CBFA2T3: variants seen among roughly 807,000 people sequenced by gnomAD.
CBFA2T3 encodes the protein transcriptional corepressor CBFA2T3.
CBFA2T3 carries 31 observed loss-of-function variants against 58.6 expected under a neutral mutation model. That is an observed-to-expected ratio of 0.53 (90% CI 0.40 to 0.71). The LOEUF (loss-of-function observed/expected upper bound fraction) is 0.71, where lower values mean the gene tolerates loss of function less well. Among genes scored for constraint, CBFA2T3 ranks in the 30% least tolerant of loss-of-function variants. CBFA2T3 has a pLI of 0.00. For missense variants in CBFA2T3, 1,076 were observed against 963.1 expected (o/e 1.12, Z -1.55); for synonymous variants, 531 against 421.9 (o/e 1.26, Z -3.17).
At position 88,874,927 on chromosome 16, in the gene CBFA2T3, A is replaced by T. The variant is rs1968773886; in HGVS notation, c.*2049T>A. 4.3e-6 allele frequency: 1 copy of T among 233,024 alleles called. No individual in the cohort carries two copies. The highest frequency in any genetic ancestry group is 8.5e-6 in the Non-Finnish European group (1 of 117,606). 14.4% of individuals were successfully genotyped at this position (233,024 alleles called of 1,614,324 possible). On this transcript the variant is annotated 3_prime_UTR_variant, in exon 12 of 12. Coordinates refer to ENST00000268679, the MANE Select transcript of CBFA2T3 (RefSeq NM_005187.6). ...TCATGAATATCATTTGGACCTCTGC[A>T]AAGACTATATACATTCACATTAACG...
At chr16:88,972,025 G>A (rs924769088) in intron 1 of CBFA2T3, among the ~76,000 whole-genome samples, 3 of 152,248 alleles carry the variant, frequency 2.0e-5, no homozygotes, top group Non-Finnish European at 4.4e-5. Context: ...CCTCCAGGAA[G>A]CTGGCCCGGA....
Position 88,901,676 on chromosome 16 carries a change from A to G in CBFA2T3, c.152-20T>C. On this transcript the variant is annotated intron_variant, in intron 1 of 11. Transcript: ENST00000268679. ...CTGGGGCTGCGACCAACGGAGAAAG[A>G]AAGAGTCGGTGAAGCAGGCTAAGTG... The G allele has an allele frequency of 6.6e-7, 1 of 1,518,898 alleles. No homozygotes were observed. Among genetic ancestry groups the G allele is most frequent in the Non-Finnish European group, 8.7e-7 (1 of 1,147,660 alleles). The allele number at this position is 1,518,898 out of a possible 1,614,324, so 94.1% of individuals were successfully genotyped here.
At chr16:88,889,127 G>A (rs910330435) in intron 5 of CBFA2T3, among the ~76,000 whole-genome samples, 3 of 151,742 alleles carry the variant, frequency 2.0e-5, no homozygotes, top group South Asian at 2.1e-4. Flanking sequence ...GACTGGGAGG[G>A]GTGGAGTCCG....
intron 1 of CBFA2T3, among the ~76,000 whole-genome samples, chr16:88,918,500 G>C (rs576589758): frequency 3.9e-5 from 6 of 152,220 alleles, no homozygotes; most frequent in African/African-American, 1.4e-4. Flanking sequence ...TGGGGCTCCC[G>C]CCCCTCCAGA....
intron 1 of CBFA2T3, among the ~76,000 whole-genome samples, chr16:88,944,808 G>A (rs1017447129): frequency 3.3e-5 from 5 of 152,356 alleles, no homozygotes; most frequent in Non-Finnish European, 5.9e-5. Flanking sequence ...CTGGCCAAAG[G>A]GCAGGCGCTA....
intron 1 of CBFA2T3, among the ~76,000 whole-genome samples, chr16:88,927,274 C>T (rs1244283693): frequency 1.3e-5 from 2 of 152,346 alleles, no homozygotes; most frequent in East Asian, 3.9e-4. Context: ...CGGGTCCCGC[C>T]CTGCCCTCGG....
At chr16:88,916,919 C>T (rs1970756010) in intron 1 of CBFA2T3, among the ~76,000 whole-genome samples, 1 of 151,496 alleles carries the variant, frequency 6.6e-6, no homozygotes, top group South Asian at 2.1e-4. Flanking sequence ...GTATCAGTTA[C>T]TAGACGGGCG....
chr16:88,972,949 CTG>C (rs1283792452), intron 1 of CBFA2T3, among the ~76,000 whole-genome samples: 2 of 152,350 alleles, frequency 1.3e-5, no homozygotes, highest in East Asian at 3.9e-4. Context: ...GTCTGTCTGT[CTG>C]TGGCCTCAGA....
chr16:88,948,556 G>A (rs1487282754), intron 1 of CBFA2T3, among the ~76,000 whole-genome samples: 1 of 152,262 alleles, frequency 6.6e-6, no homozygotes, highest in Non-Finnish European at 1.5e-5. Context: ...AGCAGAGGGA[G>A]TCCGGGCTCC....
intron 3 of CBFA2T3, among the ~76,000 whole-genome samples, chr16:88,893,687 C>G (rs982483820): frequency 6.6e-6 from 1 of 152,244 alleles, no homozygotes; most frequent in Admixed American, 6.5e-5. Context: ...TGAGACGTGA[C>G]TGCCTGGCTG....
intron 11 of CBFA2T3, among the ~76,000 whole-genome samples, chr16:88,877,723 C>T (rs1047396570): frequency 1.3e-5 from 2 of 152,182 alleles, no homozygotes; most frequent in African/African-American, 4.8e-5. Flanking sequence ...TCTGCCCCCA[C>T]CCTGTGGTGG....
chr16:88,885,891 C>T lies in CBFA2T3; in HGVS notation c.893+70G>A, dbSNP rs1405990266. The T allele has an allele frequency of 2.9e-6, 4 of 1,385,516 alleles. No homozygotes were observed. The highest frequency in any genetic ancestry group is 4.0e-6 in the Non-Finnish European group (4 of 1,011,316). The allele number at this position is 1,385,516 out of a possible 1,614,324, so 85.8% of individuals were successfully genotyped here. A position where few individuals can be genotyped will look rare whatever the true frequency, so the allele number is the denominator to read the frequency against. Reference sequence around the variant, plus strand: ...GCCCCAGAGGAGGTTCCCTCTCTTACCCAGAGGGGAGCAGGGTGAGCCGCG... The same window carrying T: ...GCCCCAGAGGAGGTTCCCTCTCTTATCCAGAGGGGAGCAGGGTGAGCCGCG... On this transcript the variant is annotated intron_variant, in intron 6 of 11. Transcript: ENST00000268679. The surrounding 1 kb of genome is among the most constrained non-coding windows in gnomAD (Gnocchi z 5.3).
intron 1 of CBFA2T3, among the ~76,000 whole-genome samples, chr16:88,910,203 C>T (rs1417684686): frequency 6.6e-6 from 1 of 152,250 alleles, no homozygotes. Flanking sequence ...GCACTTCCAC[C>T]AGGTCCCCGC....
At chr16:88,943,174 A>G (rs1169131064) in intron 1 of CBFA2T3, among the ~76,000 whole-genome samples, 1 of 152,228 alleles carries the variant, frequency 6.6e-6, no homozygotes, top group Admixed American at 6.5e-5. Flanking sequence ...AGGTGGGAGA[A>G]TTCAGCAGCG....
chr16:88,958,299 T>C lies in CBFA2T3; in HGVS notation c.151+18358A>G, dbSNP rs757003245. Reference sequence around the variant, plus strand: ...CTTTGAGCTTCCTCAAAAAGCTATTTTGAGCCTAAAATAGCTTCAAGAGCC... The same window carrying C: ...CTTTGAGCTTCCTCAAAAAGCTATTCTGAGCCTAAAATAGCTTCAAGAGCC... On this transcript the variant is annotated intron_variant, in intron 1 of 11. Transcript: ENST00000268679. This position sits in a 1 kb window ranked among gnomAD's most constrained non-coding sequence, Gnocchi z 4.0. 6.6e-6 allele frequency among the ~76,000 whole-genome samples: 1 copy of C among 151,596 alleles called. No individual in the cohort carries two copies. The highest frequency in any genetic ancestry group is 6.6e-5 in the Admixed American group (1 of 15,240).
At chr16:88,893,163 T>C (rs1969718493) in intron 3 of CBFA2T3, among the ~76,000 whole-genome samples, 1 of 142,856 alleles carries the variant, frequency 7.0e-6, no homozygotes, top group African/African-American at 2.7e-5. Context: ...CAATCAGGCA[T>C]CTCCCAGCCC....
At chr16:88,970,503 T>C (rs1597801907) in intron 1 of CBFA2T3, among the ~76,000 whole-genome samples, 1 of 152,198 alleles carries the variant, frequency 6.6e-6, no homozygotes, top group Non-Finnish European at 1.5e-5. Context: ...GCTCGGCTGG[T>C]TTCCTGACCT....
intron 1 of CBFA2T3, among the ~76,000 whole-genome samples, chr16:88,947,124 G>A (rs761572331): frequency 1.3e-5 from 2 of 152,192 alleles, no homozygotes; most frequent in East Asian, 1.9e-4. Context: ...TTGGTTCATC[G>A]GTTGTAACGA....
intron 1 of CBFA2T3, among the ~76,000 whole-genome samples, chr16:88,924,872 C>T (rs1380493083): frequency 1.3e-5 from 2 of 152,234 alleles, no homozygotes; most frequent in Non-Finnish European, 1.5e-5. Context: ...GCCGCTGCCA[C>T]CGCCTCCCAC....
Sources: allele counts gnomAD v4.1 joint callset (sites outside exome capture counted in the v4.1 genomes callset), GRCh38; gene constraint gnomAD v4.1.1; non-coding constraint Gnocchi (gnomAD v3.1); transcripts MANE v1.5; gene names NCBI Gene and HGNC (gene_info 2026-07-23, HGNC 2026-07-21).